Variants in GNA14 observed in about 807,000 individuals in gnomAD.
GNA14 encodes guanine nucleotide-binding protein subunit alpha-14.
A neutral mutation model predicts 42.0 loss-of-function variants in GNA14; 50 were observed. That is an observed-to-expected ratio of 1.19 (90% CI 0.95 to 1.51). The LOEUF is 1.51. GNA14 is among the 40% of genes most tolerant of loss of function. The pLI is 0.00. For synonymous variants in GNA14, 173 were observed against 163.1 expected, an observed-to-expected ratio of 1.06 and a Z score of -0.46; for missense variants, 473 against 446.2, an observed-to-expected ratio of 1.06 and a Z score of -0.54.
intron 2 of GNA14, among the ~76,000 whole-genome samples, chr9:77,480,720 T>G (rs1836534548): frequency 1.3e-5 from 2 of 152,242 alleles, no homozygotes; most frequent in South Asian, 4.1e-4. Flanking sequence ...TGCCACAATT[T>G]CAGAGTCTGT....
rs111675490 is a variant in GNA14 at position 77,612,452 on chromosome 9, G to A, written c.124+35218C>T. 8.4e-3 allele frequency among the ~76,000 whole-genome samples: 1,274 copies of A among 152,096 alleles called. 3 individuals are homozygous for A. The highest frequency in any genetic ancestry group is 0.015 in the African/African-American group (635 of 41,478). On this transcript the variant is annotated intron_variant, in intron 1 of 6. Transcript: ENST00000341700. ...TTGTCAGGCCAAACACTTCTCTCAG[G>A]GCTCTCATGCTCTGTGAGTCTACAA...
chr9:77,524,393 A>C (rs1421505964), intron 2 of GNA14, among the ~76,000 whole-genome samples: 3 of 152,252 alleles, frequency 2.0e-5, no homozygotes, highest in Non-Finnish European at 4.4e-5. Context: ...AAACCACTTT[A>C]AATTCTCTTC....
intron 2 of GNA14, among the ~76,000 whole-genome samples, chr9:77,444,358 A>AC (rs1835780628): frequency 6.6e-6 from 1 of 152,094 alleles, no homozygotes; most frequent in Admixed American, 6.5e-5. Flanking sequence ...CAGCTTCTCC[A>AC]CATCATGGGT....
intron 2 of GNA14, among the ~76,000 whole-genome samples, chr9:77,512,760 G>A (rs1337158682): frequency 6.6e-6 from 1 of 151,890 alleles, no homozygotes; most frequent in African/African-American, 2.4e-5. Flanking sequence ...AAAAATTTAA[G>A]CATTTGAACA....
intron 1 of GNA14, among the ~76,000 whole-genome samples, chr9:77,575,282 G>A (rs868487778): frequency 5.3e-5 from 8 of 152,222 alleles, no homozygotes; most frequent in South Asian, 4.1e-4. Context: ...ACTCAGAAGC[G>A]GAGGCAGGAG....
chr9:77,498,390 A>G (rs1252293482), intron 2 of GNA14, among the ~76,000 whole-genome samples: 6 of 88,644 alleles, frequency 6.8e-5, no homozygotes, highest in African/African-American at 2.1e-4. Flanking sequence ...AAAAAAAAAG[A>G]AAAAAAAGAA....
intron 2 of GNA14, among the ~76,000 whole-genome samples, chr9:77,509,559 T>C (rs1357932480): frequency 2.0e-5 from 3 of 152,226 alleles, no homozygotes; most frequent in Admixed American, 1.3e-4. Flanking sequence ...AATTACTAGA[T>C]AAATGTAAAA....
chr9:77,605,705 C>T (rs1823636026), intron 1 of GNA14, among the ~76,000 whole-genome samples: 1 of 152,168 alleles, frequency 6.6e-6, no homozygotes, highest in Admixed American at 6.5e-5. Context: ...ACCTATCCAA[C>T]TAGAAAGGAG....
rs187022561 is a variant in GNA14 at position 77,605,455 on chromosome 9, C to T, written c.124+42215G>A. On this transcript the variant is annotated intron_variant, in intron 1 of 6. Transcript: ENST00000341700. ...AGGAAGGTCACTCTCACCTTCCTCC[C>T]ACTTTTCTCCCCCAAACAGGTCATA... Among the ~76,000 whole-genome samples, 413 of 152,314 alleles carry T rather than the reference C, an allele frequency of 2.7e-3. 3 individuals carry two copies. Among genetic ancestry groups the T allele is most frequent in the Non-Finnish European group, 3.0e-3 (201 of 68,028 alleles).
intron 2 of GNA14, among the ~76,000 whole-genome samples, chr9:77,470,470 A>G (rs1368735650): frequency 6.6e-6 from 1 of 152,240 alleles, no homozygotes; most frequent in Non-Finnish European, 1.5e-5. Context: ...TCATGGATTC[A>G]GTCAACATCT....
chr9:77,447,305 TCA>T (rs1035267329), intron 2 of GNA14, among the ~76,000 whole-genome samples: 23 of 152,170 alleles, frequency 1.5e-4, no homozygotes, highest in African/African-American at 5.5e-4. Context: ...CCACCCTACC[TCA>T]CAGTGACTCT....
At chr9:77,462,402 G>C (rs1394657153) in intron 2 of GNA14, among the ~76,000 whole-genome samples, 1 of 152,100 alleles carries the variant, frequency 6.6e-6, no homozygotes, top group Non-Finnish European at 1.5e-5. Context: ...GGTCCTTTCT[G>C]CATTCTCCCA....
chr9:77,637,414 T>C (rs1173161314), intron 1 of GNA14, among the ~76,000 whole-genome samples: 1 of 152,206 alleles, frequency 6.6e-6, no homozygotes, highest in Non-Finnish European at 1.5e-5. Flanking sequence ...ATTGAGAAGA[T>C]GTTGACCTCA....
intron 2 of GNA14, among the ~76,000 whole-genome samples, chr9:77,515,843 AGT>A (rs912430907): frequency 6.6e-6 from 1 of 151,072 alleles, no homozygotes; most frequent in Non-Finnish European, 1.5e-5. Context: ...GTGCACCTGT[AGT>A]CCCAGTTAGG....
intron 2 of GNA14, among the ~76,000 whole-genome samples, chr9:77,434,883 C>T (rs375262886): frequency 6.6e-6 from 1 of 152,160 alleles, no homozygotes; most frequent in Non-Finnish European, 1.5e-5. Context: ...TAACATATGA[C>T]TCATTTGAGT....
intron 1 of GNA14, among the ~76,000 whole-genome samples, chr9:77,593,700 C>A (rs1346317545): frequency 6.6e-6 from 1 of 152,170 alleles, no homozygotes; most frequent in Non-Finnish European, 1.5e-5. Context: ...TCAATTTGCA[C>A]CATCTAAGCT....
At chr9:77,578,387 TC>T (rs1263593991) in intron 1 of GNA14, among the ~76,000 whole-genome samples, 1 of 152,174 alleles carries the variant, frequency 6.6e-6, no homozygotes, top group Non-Finnish European at 1.5e-5. Flanking sequence ...CTCACATAAC[TC>T]TAGAAAACTC....
At chr9:77,480,080 A>G (rs540563975) in intron 2 of GNA14, among the ~76,000 whole-genome samples, 17 of 152,248 alleles carry the variant, frequency 1.1e-4, no homozygotes, top group African/African-American at 3.9e-4. Context: ...AGAACTTCCA[A>G]CACTATATTG....
intron 1 of GNA14, among the ~76,000 whole-genome samples, chr9:77,532,548 A>C (rs1274604168): frequency 1.3e-5 from 2 of 152,156 alleles, no homozygotes; most frequent in African/African-American, 4.8e-5. Flanking sequence ...CTTGTTCTAA[A>C]CAGAAACTCA....
Sources: gnomAD v4.1 joint callset for allele counts (sites outside exome capture counted in the v4.1 genomes callset) on GRCh38, gnomAD v4.1.1 for gene constraint, MANE v1.5 for transcripts, NCBI Gene and HGNC (gene_info 2026-07-23, HGNC 2026-07-21) for gene names.